CSMD1: variants seen among roughly 807,000 people sequenced by gnomAD.
CSMD1 encodes CUB and Sushi multiple domains 1, also known as CUB and sushi domain-containing protein 1.
CSMD1 carries 213 observed loss-of-function variants against 417.5 expected under a neutral mutation model. The observed-to-expected ratio is 0.51, with a 90% CI of 0.46 to 0.57. CSMD1 has a LOEUF of 0.57. Among genes scored for constraint, CSMD1 ranks in the 20% least tolerant of loss-of-function variants. The probability of loss-of-function intolerance (pLI) is 0.00; values close to 1 mark genes in which losing one functional copy is unlikely to be tolerated. For synonymous variants in CSMD1, 2,862 were observed against 1,736.8 expected, an observed-to-expected ratio of 1.65 and a Z score of -16.11; for missense variants, 6,923 against 4,529.7, an observed-to-expected ratio of 1.53 and a Z score of -15.17.
At chr8:3,715,789 C>T (rs1250344122) in intron 6 of CSMD1, among the ~76,000 whole-genome samples, 8 of 152,138 alleles carry the variant, frequency 5.3e-5, no homozygotes, top group African/African-American at 9.7e-5. Context: ...GTGATCCTCC[C>T]GCCCTGGCCT....
intron 1 of CSMD1, among the ~76,000 whole-genome samples, chr8:4,850,292 C>A (rs187176620): frequency 2.0e-5 from 3 of 151,234 alleles, no homozygotes; most frequent in Non-Finnish European, 1.5e-5. Context: ...AATCCCCAAA[C>A]ATTTTCTCCC....
chr8:3,707,789 G>C (rs1392585894), intron 7 of CSMD1, among the ~76,000 whole-genome samples: 2 of 152,182 alleles, frequency 1.3e-5, no homozygotes, highest in Non-Finnish European at 2.9e-5. Context: ...TCCAGGCATG[G>C]TCAGGGCTTC....
chr8:4,680,922 C>A (rs1805999622), intron 1 of CSMD1, among the ~76,000 whole-genome samples: 1 of 151,090 alleles, frequency 6.6e-6, no homozygotes, highest in Non-Finnish European at 1.5e-5. Context: ...CACACACACA[C>A]ACACAAACCC....
At chr8:2,990,895 T>C (rs978740108) in intron 54 of CSMD1, among the ~76,000 whole-genome samples, 18 of 152,222 alleles carry the variant, frequency 1.2e-4, no homozygotes, top group African/African-American at 4.3e-4. Flanking sequence ...GTCAGAGGCA[T>C]CATCCCAGGG....
chr8:2,966,450 C>T (rs1303966461), intron 58 of CSMD1, 120 bp downstream of exon 58: 11 of 894,082 alleles, frequency 1.2e-5, no homozygotes, highest in Non-Finnish European at 1.8e-5. Context: ...CATAGTTTTC[C>T]CTTTTTTCCT....
intron 3 of CSMD1, among the ~76,000 whole-genome samples, chr8:4,191,448 A>G (rs1266528831): frequency 1.3e-5 from 2 of 151,002 alleles, no homozygotes; most frequent in African/African-American, 4.8e-5. Context: ...AAAACAAACT[A>G]AAAAAAATTG....
chr8:2,980,443 C>T (rs1473298177), intron 54 of CSMD1, among the ~76,000 whole-genome samples: 1 of 151,694 alleles, frequency 6.6e-6, no homozygotes, highest in Non-Finnish European at 1.5e-5. Context: ...CCTCCTCCTC[C>T]TCTTCTTCCA....
chr8:3,150,974 A>G (rs1819160107), intron 40 of CSMD1, among the ~76,000 whole-genome samples: 1 of 152,222 alleles, frequency 6.6e-6, no homozygotes, highest in Non-Finnish European at 1.5e-5. Context: ...GTATAAAACA[A>G]TACTATTTCT....
intron 23 of CSMD1, among the ~76,000 whole-genome samples, chr8:3,336,387 G>A (rs78772289): frequency 0.024 from 3,693 of 152,228 alleles, 80 homozygotes; most frequent in East Asian, 0.082. Flanking sequence ...CATGACCCCT[G>A]TTATACAGAG....
chr8:4,535,539 T>A (rs964111850), intron 2 of CSMD1, among the ~76,000 whole-genome samples: 1 of 152,144 alleles, frequency 6.6e-6, no homozygotes, highest in African/African-American at 2.4e-5. Flanking sequence ...TTTTATCTTG[T>A]AACAGTAAGA....
In CSMD1 at chr8:4,070,216, T is replaced by C. The variant is rs771605466; in HGVS notation, c.416-38117A>G. On this transcript the variant is annotated intron_variant, in intron 3 of 69. Coordinates refer to ENST00000635120, the MANE Select transcript of CSMD1 (RefSeq NM_033225.6). ...CCTCTTTTTTTCTGTGTTTCTTGTCTTTTCTTTTTGGTATGCTTATCATAT... is the reference window on the plus strand; with the variant it reads ...CCTCTTTTTTTCTGTGTTTCTTGTCCTTTCTTTTTGGTATGCTTATCATAT... Among the ~76,000 whole-genome samples the C allele has an allele frequency of 1.8e-3, 269 of 152,324 alleles. 1 individual carries two copies. The highest frequency in any genetic ancestry group is 4.3e-3 in the Admixed American group (66 of 15,306).
rs767911528 is a variant in CSMD1, at chr8:4,593,093, C to T, written c.302+44249G>A. Among the ~76,000 whole-genome samples, 36 of 152,192 alleles carry T rather than the reference C, an allele frequency of 2.4e-4. 1 individual carries two copies. Among genetic ancestry groups the T allele is most frequent in the African/African-American group, 8.2e-4 (34 of 41,536 alleles). On this transcript the variant is annotated intron_variant, in intron 2 of 69. Coordinates refer to ENST00000635120, the MANE Select transcript of CSMD1 (RefSeq NM_033225.6). ...CCTGCGATATCTTGCATAATGCATC[C>T]GGGCCATTTCTTGGTCTCATTCCTT...
intron 5 of CSMD1, among the ~76,000 whole-genome samples, chr8:3,801,064 T>C (rs1800429727): frequency 6.6e-6 from 1 of 151,890 alleles, no homozygotes; most frequent in South Asian, 2.1e-4. Context: ...GAGGCCATGC[T>C]TCCCTTGATA....
intron 2 of CSMD1, among the ~76,000 whole-genome samples, chr8:4,500,472 C>A (rs994650032): frequency 6.6e-6 from 1 of 152,062 alleles, no homozygotes; most frequent in Admixed American, 6.6e-5. Flanking sequence ...ACACCAGAAA[C>A]AAGAGAATAC....
chr8:3,893,582 C>G (rs187295191), intron 5 of CSMD1, among the ~76,000 whole-genome samples: 12 of 152,002 alleles, frequency 7.9e-5, no homozygotes, highest in African/African-American at 2.9e-4. Context: ...CTGCACCTGT[C>G]TAGCTCCAGT....
At chr8:4,283,543 C>G in intron 3 of CSMD1, among the ~76,000 whole-genome samples, 1 of 152,122 alleles carries the variant, frequency 6.6e-6, no homozygotes, top group East Asian at 1.9e-4. Flanking sequence ...TTATAGAACT[C>G]AAGTTATATA....
intron 1 of CSMD1, among the ~76,000 whole-genome samples, chr8:4,775,181 A>C (rs1322906042): frequency 6.6e-6 from 1 of 152,192 alleles, no homozygotes; most frequent in Non-Finnish European, 1.5e-5. Flanking sequence ...CTCAACATCA[A>C]CTAGAATTTG....
intron 15 of CSMD1, 26 bp downstream of exon 15, chr8:3,406,001 A>T: frequency 6.2e-7 from 1 of 1,604,708 alleles, no homozygotes; most frequent in South Asian, 1.1e-5. Context: ...TCAAAGGAGA[A>T]GAGCGGGGGG....
intron 1 of CSMD1, among the ~76,000 whole-genome samples, chr8:4,945,167 A>G (rs530221282): frequency 1.3e-5 from 2 of 152,320 alleles, no homozygotes; most frequent in East Asian, 1.9e-4. Flanking sequence ...ATACTGAATG[A>G]TCCCAAATAC....
Sources: gnomAD v4.1 joint callset for allele counts (sites outside exome capture counted in the v4.1 genomes callset) on GRCh38, gnomAD v4.1.1 for gene constraint, MANE v1.5 for transcripts, NCBI Gene and HGNC (gene_info 2026-07-23, HGNC 2026-07-21) for gene names.